STK3: variants seen among roughly 807,000 people sequenced by gnomAD.
STK3 encodes serine/threonine-protein kinase 3.
In STK3, 41 loss-of-function variants were observed where a neutral mutation model predicts 58.0. That is an observed-to-expected ratio of 0.71 (90% CI 0.55 to 0.92). The LOEUF (loss-of-function observed/expected upper bound fraction) is 0.92, where lower values mean the gene tolerates loss of function less well. Among genes scored for constraint, STK3 ranks in the 40% least tolerant of loss-of-function variants. STK3 has a pLI of 0.00. For synonymous variants in STK3, 170 were observed against 191.0 expected, an observed-to-expected ratio of 0.89 and a Z score of 0.91; for missense variants, 479 against 602.7, an observed-to-expected ratio of 0.79 and a Z score of 2.15.
At chr8:98,775,498 A>G (rs1422309844) in intron 1 of STK3, among the ~76,000 whole-genome samples, 1 of 152,154 alleles carries the variant, frequency 6.6e-6, no homozygotes, top group Non-Finnish European at 1.5e-5. Context: ...CGGAGCCAAG[A>G]CTGTGCATTA....
At chr8:98,797,370 C>G (rs1434436945) in intron 1 of STK3, among the ~76,000 whole-genome samples, 1 of 152,130 alleles carries the variant, frequency 6.6e-6, no homozygotes, top group Non-Finnish European at 1.5e-5. Flanking sequence ...CTCTCTCTCC[C>G]TTAGGACAAG....
At chr8:98,736,310 G>A (rs1828591690) in intron 4 of STK3, among the ~76,000 whole-genome samples, 3 of 152,112 alleles carry the variant, frequency 2.0e-5, no homozygotes, top group African/African-American at 7.2e-5. Context: ...ACTGGGGGTA[G>A]GGATAACACT....
intron 3 of STK3, among the ~76,000 whole-genome samples, chr8:98,753,565 C>A (rs1830110580): frequency 6.6e-6 from 1 of 151,898 alleles, no homozygotes; most frequent in Non-Finnish European, 1.5e-5. Flanking sequence ...CACAACAAAC[C>A]CCCATGACAC....
At chr8:98,450,109 T>C (rs951743034), downstream of STK3, among the ~76,000 whole-genome samples, 5 of 152,188 alleles carry the variant, frequency 3.3e-5, no homozygotes, top group African/African-American at 1.2e-4. Context: ...TATACAACTT[T>C]CTTTCCTCCG....
At chr8:98,748,464 C>A (rs1176099456) in intron 4 of STK3, among the ~76,000 whole-genome samples, 1 of 152,036 alleles carries the variant, frequency 6.6e-6, no homozygotes, top group African/African-American at 2.4e-5. Flanking sequence ...CAGTGTACTT[C>A]CCAAATCAAA....
rs554783265 is a variant in STK3, at chr8:98,934,917, A to AAAAATAAAATAAAATAAAATAAAAT, written c.-79+7436_-79+7460dup. Among the ~76,000 whole-genome samples the AAAAATAAAATAAAATAAAATAAAAT allele has an allele frequency of 5.0e-3, 749 of 149,924 alleles. 3 individuals are homozygous for AAAAATAAAATAAAATAAAATAAAAT. The highest frequency in any genetic ancestry group is 0.012 in the African/African-American group (480 of 40,808). ...GGGCAACAGAGCGAGACGCCGTCTC[A>AAAAATAAAATAAAATAAAATAAAAT]AAAATAAAATAAAATAAAATAAAAT... is the stretch of plus-strand genomic sequence containing the variant. On this transcript the variant is annotated intron_variant, in intron 1 of 1. Coordinates refer to the STK3 transcript ENST00000519420.
intron 6 of STK3, among the ~76,000 whole-genome samples, chr8:98,631,167 C>G (rs1023545469): frequency 6.6e-6 from 1 of 152,204 alleles, no homozygotes; most frequent in Non-Finnish European, 1.5e-5. Context: ...CCTCACTATT[C>G]ACCTGGCTTC....
At chr8:98,500,208 G>C (rs1823463083) in intron 10 of STK3, among the ~76,000 whole-genome samples, 1 of 152,058 alleles carries the variant, frequency 6.6e-6, no homozygotes, top group Non-Finnish European at 1.5e-5. Context: ...ACAGATAAGA[G>C]AGAAAAGATG....
intron 1 of STK3, among the ~76,000 whole-genome samples, chr8:98,891,657 G>T (rs1210342164): frequency 1.3e-5 from 2 of 150,538 alleles, no homozygotes; most frequent in East Asian, 3.9e-4. Flanking sequence ...GAGATACACA[G>T]TGCTTAGATA....
chr8:98,561,749 A>G (rs1812052313), intron 8 of STK3, among the ~76,000 whole-genome samples: 1 of 152,186 alleles, frequency 6.6e-6, no homozygotes, highest in Non-Finnish European at 1.5e-5. Flanking sequence ...AATGGGAGAA[A>G]ATATTTGTTA....
intron 3 of STK3, among the ~76,000 whole-genome samples, chr8:98,761,869 A>G (rs558131120): frequency 4.6e-5 from 7 of 152,340 alleles, no homozygotes; most frequent in African/African-American, 1.7e-4. Flanking sequence ...ACAGTGTTCA[A>G]ATGGAATCTT....
At chr8:98,824,280 C>T (rs979873586) in intron 1 of STK3, among the ~76,000 whole-genome samples, 1 of 152,188 alleles carries the variant, frequency 6.6e-6, no homozygotes, top group Non-Finnish European at 1.5e-5. Flanking sequence ...TACACCTGCC[C>T]CTGACTCCTC....
intron 10 of STK3, among the ~76,000 whole-genome samples, chr8:98,469,044 G>A (rs1183620162): frequency 6.6e-6 from 1 of 152,064 alleles, no homozygotes; most frequent in Non-Finnish European, 1.5e-5. Context: ...GGGAGGCGGG[G>A]GTTGCAGTGA....
intron 6 of STK3, among the ~76,000 whole-genome samples, chr8:98,609,986 T>G (rs1217982943): frequency 1.3e-5 from 2 of 149,390 alleles, no homozygotes; most frequent in South Asian, 2.1e-4. Context: ...AAAAAAGAAA[T>G]AATTGACATA....
At chr8:98,658,189 G>A (rs1309893122) in intron 6 of STK3, among the ~76,000 whole-genome samples, 2 of 151,956 alleles carry the variant, frequency 1.3e-5, no homozygotes, top group Non-Finnish European at 2.9e-5. Context: ...TGGTAAATAA[G>A]TTCAGCAAAA....
intron 1 of STK3, among the ~76,000 whole-genome samples, chr8:98,939,539 C>T (rs998062751): frequency 2.6e-5 from 4 of 152,174 alleles, no homozygotes; most frequent in African/African-American, 9.7e-5. Flanking sequence ...AGAAATGGAA[C>T]GTCCAAGGCA....
At chr8:98,375,211 T>C (rs1032882674) in intron 2 of STK3, among the ~76,000 whole-genome samples, 1 of 149,374 alleles carries the variant, frequency 6.7e-6, no homozygotes, top group African/African-American at 2.5e-5. Flanking sequence ...GCCATTATCA[T>C]GCTACTGTAC....
At chr8:98,724,609 A>G (rs773326155) in intron 4 of STK3, among the ~76,000 whole-genome samples, 12 of 152,220 alleles carry the variant, frequency 7.9e-5, no homozygotes, top group Non-Finnish European at 1.5e-4. Context: ...AGGCTCTCAG[A>G]CAAAGACTAA....
chr8:98,418,819 C>A (rs137885346), intron 3 of STK3, among the ~76,000 whole-genome samples: 8 of 152,154 alleles, frequency 5.3e-5, no homozygotes, highest in African/African-American at 1.9e-4. Flanking sequence ...TGTTATAGCT[C>A]CCCCTGCCCT....
Sources: allele counts gnomAD v4.1 joint callset (sites outside exome capture counted in the v4.1 genomes callset), GRCh38; gene constraint gnomAD v4.1.1; transcripts MANE v1.5; gene names NCBI Gene and HGNC (gene_info 2026-07-23, HGNC 2026-07-21).